The following PDZRN3 variants were observed in gnomAD, a reference collection of about 807,000 sequenced individuals.
PDZRN3 encodes PDZ domain containing ring finger 3.
PDZRN3 carries 38 observed loss-of-function variants against 85.7 expected under a neutral mutation model. The ratio of observed to expected loss-of-function variants is 0.44; its 90% CI spans 0.34 to 0.58. The LOEUF is 0.58. PDZRN3 is among the 20% of genes least tolerant of loss of function. PDZRN3 has a pLI of 0.01. For missense variants in PDZRN3, 1,629 were observed against 1,506.4 expected (o/e 1.08, Z -1.35); for synonymous variants, 759 against 638.0 (o/e 1.19, Z -2.86).
intron 3 of PDZRN3, among the ~76,000 whole-genome samples, chr3:73,479,732 CCAG>C (rs529036708): frequency 1.5e-3 from 231 of 152,326 alleles, no homozygotes; most frequent in African/African-American, 4.9e-3. Context: ...TGACCCCAGC[CCAG>C]GCCTGTGCTC....
intron 3 of PDZRN3, among the ~76,000 whole-genome samples, chr3:73,574,033 CTGGACATGAG>C (rs1702082663): frequency 6.6e-6 from 1 of 152,174 alleles, no homozygotes; most frequent in Non-Finnish European, 1.5e-5. Flanking sequence ...AGTACATCCT[CTGGACATGAG>C]TGGTTTGCAG....
At chr3:73,411,039 T>A (rs182733904) in intron 3 of PDZRN3, among the ~76,000 whole-genome samples, 2 of 152,384 alleles carry the variant, frequency 1.3e-5, no homozygotes, top group Admixed American at 6.5e-5. Context: ...CTAAGTTCTT[T>A]GCAACTTGAG....
At chr3:73,539,237 A>G (rs1228670465) in intron 3 of PDZRN3, among the ~76,000 whole-genome samples, 2 of 152,208 alleles carry the variant, frequency 1.3e-5, no homozygotes, top group Non-Finnish European at 2.9e-5. Context: ...TCTTAATGAC[A>G]TAGTTTCGAA....
At chr3:73,615,190 G>A (rs1009835160) in intron 1 of PDZRN3, among the ~76,000 whole-genome samples, 3 of 152,036 alleles carry the variant, frequency 2.0e-5, no homozygotes, top group Admixed American at 1.3e-4. Flanking sequence ...ATGAGAAGAC[G>A]TTTCAGTACT....
rs73100479 is a variant in PDZRN3, at chr3:73,555,325, C to T, written c.918+47029G>A. On this transcript the variant is annotated intron_variant, in intron 3 of 9. Transcript: ENST00000263666. ...CCTGGGGAAGCTCTCGGAAGAAACA[C>T]CTTTGTTCTCAAAGTAAAACAACAA... Among the ~76,000 whole-genome samples the T allele has an allele frequency of 1.2e-3, 183 of 152,212 alleles. 3 individuals are homozygous for T. In the Middle Eastern group the frequency reaches 0.065, roughly 54 times the overall value.
chr3:73,424,061 T>C (rs1702256933), intron 3 of PDZRN3, among the ~76,000 whole-genome samples: 1 of 151,958 alleles, frequency 6.6e-6, no homozygotes, highest in Admixed American at 6.6e-5. Flanking sequence ...TATAAAAAAG[T>C]AACTGTGATA....
At chr3:73,401,324 T>C (rs1014590923) in intron 4 of PDZRN3, among the ~76,000 whole-genome samples, 1 of 152,210 alleles carries the variant, frequency 6.6e-6, no homozygotes, top group Admixed American at 6.5e-5. Flanking sequence ...ACTCCATCTC[T>C]ACGCAGGAAA....
chr3:73,554,601 C>A (rs1376735113), intron 3 of PDZRN3, among the ~76,000 whole-genome samples: 2 of 152,158 alleles, frequency 1.3e-5, no homozygotes, highest in Non-Finnish European at 2.9e-5. Flanking sequence ...GACTGTCACA[C>A]TGCAGTTTTC....
At chr3:73,601,192 A>G (rs976251822) in intron 3 of PDZRN3, among the ~76,000 whole-genome samples, 2 of 152,204 alleles carry the variant, frequency 1.3e-5, no homozygotes, top group Non-Finnish European at 2.9e-5. Context: ...GAGACTGGAA[A>G]TGCAAGACTT....
At chr3:73,579,117 T>A (rs4677305) in intron 3 of PDZRN3, among the ~76,000 whole-genome samples, 86,120 of 151,862 alleles carry the variant, frequency 0.57, 24,522 homozygotes, top group Admixed American at 0.59. Context: ...TGGTTAAGTC[T>A]TGAGGGTTCT....
At position 73,624,619 on chromosome 3, in the gene PDZRN3, C is replaced by T. The variant is rs761820111; in HGVS notation, c.207G>A (p.Leu69=). ...GCTTGAGGATAAGGCGCTTGAGCGGCAGGACGTGGTTGAGCTCTTTGGCCG... is the reference window on the plus strand; with the variant it reads ...GCTTGAGGATAAGGCGCTTGAGCGGTAGGACGTGGTTGAGCTCTTTGGCCG... ...RLSAKELNHV[L]PLKRLILKLD... Residue 69 remains leucine, a synonymous_variant, in exon 1 of 10, where the codon CTG becomes CTA. Transcript: ENST00000263666. The T allele has an allele frequency of 4.5e-6, 7 of 1,558,388 alleles. No homozygotes were observed. The highest frequency in any genetic ancestry group is 1.9e-5 in the Admixed American group (1 of 53,674).
chr3:73,557,917 C>T (rs1418573029), intron 3 of PDZRN3, among the ~76,000 whole-genome samples: 1 of 151,940 alleles, frequency 6.6e-6, no homozygotes, highest in Admixed American at 6.6e-5. Context: ...ATTGTATGAC[C>T]TCAATTTTTT....
chr3:73,435,020 CCATTTTACAAAGGTTT>C (rs1156486891), intron 3 of PDZRN3, among the ~76,000 whole-genome samples: 2 of 152,202 alleles, frequency 1.3e-5, no homozygotes, highest in Admixed American at 6.5e-5. Context: ...AGAGCCTTCA[CCATTTTACAAAGGTTT>C]CATTTTACAA....
chr3:73,546,232 G>A (rs1216564642), intron 3 of PDZRN3, among the ~76,000 whole-genome samples: 1 of 152,206 alleles, frequency 6.6e-6, no homozygotes, highest in Admixed American at 6.5e-5. Context: ...TACCACAGGC[G>A]ACCCAGTGAG....
chr3:73,452,686 G>A lies in PDZRN3; in HGVS notation c.919-48291C>T, dbSNP rs907044214. Reference sequence around the variant, plus strand: ...TGCATCTCCTTTCAGATCTTTTTGTGGGGGACCAGATTTTACTTGGTTTTA... The same window carrying A: ...TGCATCTCCTTTCAGATCTTTTTGTAGGGGACCAGATTTTACTTGGTTTTA... On this transcript the variant is annotated intron_variant, in intron 3 of 9. Coordinates refer to ENST00000263666, the MANE Select transcript of PDZRN3 (RefSeq NM_015009.3). Among the ~76,000 whole-genome samples, 4 of 152,102 alleles carry A rather than the reference G, an allele frequency of 2.6e-5. No individual in the cohort carries two copies. In the East Asian group the frequency reaches 5.8e-4, roughly 22 times the overall value.
At chr3:73,589,561 T>G (rs1702324770) in intron 3 of PDZRN3, among the ~76,000 whole-genome samples, 2 of 152,308 alleles carry the variant, frequency 1.3e-5, no homozygotes, top group Middle Eastern at 3.4e-3. Context: ...ATCTCTGAAT[T>G]TCACTTGTAA....
chr3:73,496,385 CTAACT>C (rs767957244), intron 3 of PDZRN3, among the ~76,000 whole-genome samples: 13 of 148,152 alleles, frequency 8.8e-5, no homozygotes, highest in African/African-American at 3.2e-4. Context: ...ACATAGAGAA[CTAACT>C]TAATAAACTC....
At chr3:73,550,378 C>T (rs1295866419) in intron 3 of PDZRN3, among the ~76,000 whole-genome samples, 1 of 152,222 alleles carries the variant, frequency 6.6e-6, no homozygotes, top group Non-Finnish European at 1.5e-5. Flanking sequence ...GGTTCTCAAT[C>T]CTGGCTGCAC....
intron 3 of PDZRN3, among the ~76,000 whole-genome samples, chr3:73,451,676 T>G (rs1454765933): frequency 6.6e-6 from 1 of 152,170 alleles, no homozygotes; most frequent in East Asian, 1.9e-4. Flanking sequence ...GTAAAATATA[T>G]TTCCTGCCCC....
Sources: gnomAD v4.1 joint callset for allele counts (sites outside exome capture counted in the v4.1 genomes callset) on GRCh38, gnomAD v4.1.1 for gene constraint, MANE v1.5 for transcripts, NCBI Gene and HGNC (gene_info 2026-07-23, HGNC 2026-07-21) for gene names.